The following MME variants were observed in gnomAD, a reference collection of about 807,000 sequenced individuals.
MME encodes the protein membrane metalloendopeptidase.
In MME, 98 loss-of-function variants were observed where a neutral mutation model predicts 113.2. The observed-to-expected ratio is 0.87, with a 90% CI of 0.74 to 1.02. MME has a LOEUF of 1.02. Ranked by LOEUF, MME falls within the 50% of genes least tolerant of loss-of-function variation. The probability of loss-of-function intolerance (pLI) is 0.00; values close to 1 mark genes in which losing one functional copy is unlikely to be tolerated. For missense variants in MME, 836 were observed against 896.0 expected, an observed-to-expected ratio of 0.93 and a Z score of 0.86; for synonymous variants, 292 against 300.6, an observed-to-expected ratio of 0.97 and a Z score of 0.30.
intron 3 of MME, among the ~76,000 whole-genome samples, chr3:155,100,551 A>G (rs1717120510): frequency 6.6e-6 from 1 of 152,220 alleles, no homozygotes; most frequent in Non-Finnish European, 1.5e-5. Flanking sequence ...TACAAATAGT[A>G]TTGTGATGCA....
At chr3:155,072,759 T>G (rs1469166196) in intron 1 of MME, among the ~76,000 whole-genome samples, 2 of 152,348 alleles carry the variant, frequency 1.3e-5, no homozygotes, top group East Asian at 3.9e-4. Context: ...CTGCAGGTTT[T>G]TTCTGAGACT....
At chr3:155,175,258 T>A (rs1470078489) in intron 22 of MME, among the ~76,000 whole-genome samples, 1 of 151,928 alleles carries the variant, frequency 6.6e-6, no homozygotes, top group Admixed American at 6.6e-5. Context: ...TTTGGGTTTT[T>A]ATTAGGGTTT....
chr3:155,115,115 C>G lies in MME; in HGVS notation c.318C>G (p.Asn106Lys). 1.2e-6 allele frequency: 2 copies of G among 1,614,060 alleles called. No homozygotes were observed. The highest frequency in any genetic ancestry group is 1.7e-6 in the Non-Finnish European group (2 of 1,179,994). The change falls in exon 4 of 23, where the codon AAC (asparagine) becomes AAG (lysine). Residue 106 changes from asparagine to lysine, a missense_variant. Physicochemically the swap from Asn to Lys is moderately conservative, Grantham distance 94. Coordinates refer to ENST00000360490, the MANE Select transcript of MME (RefSeq NM_007289.4). Reference protein sequence around the residue: ...VIPETSSRYGNFDILRDELEV... With the variant: ...VIPETSSRYGKFDILRDELEV... ...CCGAGACCAGCTCCCGTTACGGCAA[C>G]TTTGACATTTTAAGAGATGAACTAG...
chr3:155,071,371 C>T (rs1187788027), intron 1 of MME, among the ~76,000 whole-genome samples: 1 of 152,124 alleles, frequency 6.6e-6, no homozygotes, highest in East Asian at 1.9e-4. Flanking sequence ...GGGAATAGGC[C>T]CAATTCTATG....
At position 155,081,853 on chromosome 3, in the gene MME, A is replaced by G. The variant is rs180864707; in HGVS notation, c.-11+1387A>G. ...CTTGCATCATTTCTGCTTTTGCTCA[A>G]TGCTTTTGAAAAAAGGCTACTAAGA... is the stretch of plus-strand genomic sequence containing the variant. On this transcript the variant is annotated intron_variant, in intron 1 of 22. Coordinates refer to ENST00000360490, the MANE Select transcript of MME (RefSeq NM_007289.4). 351 of 152,308 alleles carry G rather than the reference A, an allele frequency of 2.3e-3. 2 individuals carry two copies. Among genetic ancestry groups the G allele is most frequent in the African/African-American group, 7.8e-3 (324 of 41,568 alleles). 9.4% of individuals were successfully genotyped at this position (152,308 alleles called of 1,614,324 possible).
intron 7 of MME, 41 bp downstream of exon 7, chr3:155,117,027 G>A (rs1247607751): frequency 5.5e-6 from 6 of 1,083,548 alleles, no homozygotes; most frequent in Non-Finnish European, 8.6e-6. Flanking sequence ...CCTTTAAATT[G>A]TAATAAAACT....
intron 1 of MME, among the ~76,000 whole-genome samples, chr3:155,036,761 A>G (rs1157806288): frequency 2.0e-5 from 3 of 151,992 alleles, no homozygotes; most frequent in Non-Finnish European, 4.4e-5. Flanking sequence ...TTAAAGTTTG[A>G]TTAATCAAAT....
chr3:155,129,474 AT>A (rs569413625), intron 8 of MME, among the ~76,000 whole-genome samples: 65 of 148,696 alleles, frequency 4.4e-4, no homozygotes, highest in African/African-American at 5.2e-4. Flanking sequence ...TATAGAAGTC[AT>A]TTTTTTTTTG....
chr3:155,138,726 A>AC (rs1214441651), intron 9 of MME, among the ~76,000 whole-genome samples: 1 of 152,146 alleles, frequency 6.6e-6, no homozygotes, highest in Non-Finnish European at 1.5e-5. Flanking sequence ...TGCTGAGCTG[A>AC]CGGAGGGTAA....
At position 155,180,511 on chromosome 3, in the gene MME, A is replaced by G; in HGVS notation, c.*52A>G. ...GGCTAGACTTGCCAACACCACAGAA[A>G]TGGGGAATTCTCTAATCGAAAGAAA... On this transcript the variant is annotated 3_prime_UTR_variant, in exon 23 of 23. Transcript: ENST00000360490. 7.2e-7 allele frequency: 1 copy of G among 1,393,918 alleles called. No individual in the cohort carries two copies. Among genetic ancestry groups the G allele is most frequent in the Non-Finnish European group, 1.0e-6 (1 of 979,956 alleles). The allele number at this position is 1,393,918 out of a possible 1,614,324, so 86.3% of individuals were successfully genotyped here. A position where few individuals can be genotyped will look rare whatever the true frequency, so the allele number is the denominator to read the frequency against.
chr3:155,038,355 C>G (rs979803688), intron 1 of MME, among the ~76,000 whole-genome samples: 4 of 152,160 alleles, frequency 2.6e-5, no homozygotes, highest in Admixed American at 2.0e-4. Flanking sequence ...TTAAGCTACT[C>G]TCTGAAGCCT....
intron 3 of MME, 26 bp from the exon 4 acceptor site, chr3:155,114,968 A>T: frequency 6.2e-7 from 1 of 1,612,570 alleles, no homozygotes. Flanking sequence ...CCATCATTTT[A>T]TCTAGTGTTT....
chr3:155,098,972 G>A (rs1363618588), intron 3 of MME, among the ~76,000 whole-genome samples: 2 of 152,096 alleles, frequency 1.3e-5, no homozygotes, highest in African/African-American at 4.8e-5. Flanking sequence ...AGAAGACAGA[G>A]ATAAAGTAGG....
chr3:155,124,647 C>G (rs1440657399), intron 8 of MME, among the ~76,000 whole-genome samples: 2 of 151,614 alleles, frequency 1.3e-5, no homozygotes, highest in Non-Finnish European at 2.9e-5. Context: ...AGACAGGACC[C>G]TCAGCTGCAG....
At chr3:155,088,209 C>CGT (rs1715934890) in intron 3 of MME, among the ~76,000 whole-genome samples, 1 of 141,320 alleles carries the variant, frequency 7.1e-6, no homozygotes, top group Non-Finnish European at 1.6e-5. Flanking sequence ...CACACTCGTG[C>CGT]GCGCACACAC....
rs772658408 is a variant in MME, at chr3:155,045,038, C to A, written c.-11+20714C>A. Among the ~76,000 whole-genome samples the A allele has an allele frequency of 1.1e-4, 16 of 151,082 alleles. 2 individuals carry two copies. The highest frequency in any genetic ancestry group is 1.1e-3 in the Admixed American group (16 of 15,190). The stretch of plus-strand genomic sequence containing the variant: ...CTCTGTTCACTGAGATACTTTAAAT[C>A]GGGTTGGAATTATCCATGAATTATC... On this transcript the variant is annotated intron_variant, in intron 1 of 22. Coordinates refer to the MME transcript ENST00000492661.
In MME at chr3:155,117,907, C is replaced by T. The variant is rs958309420; in HGVS notation, c.655-839C>T. ...CTTTTCTATTGGCCTAGGCTCTCCA[C>T]AGCTGCTAGGATTCTCTCTTTAACC... On this transcript the variant is annotated intron_variant, in intron 7 of 22. Transcript: ENST00000360490. 2.0e-5 allele frequency among the ~76,000 whole-genome samples: 3 copies of T among 152,148 alleles called. No homozygotes were observed. The South Asian group carries it at 6.2e-4, about 31-fold the overall frequency.
chr3:155,105,010 A>T (rs550411410), intron 3 of MME, among the ~76,000 whole-genome samples: 1 of 152,262 alleles, frequency 6.6e-6, no homozygotes, highest in Admixed American at 6.5e-5. Context: ...ACTTTTTATT[A>T]TTATTATTAT....
rs142525590 is a variant in MME at position 155,110,489 on chromosome 3, A to G, written c.197-4505A>G. 1.7e-4 allele frequency among the ~76,000 whole-genome samples: 26 copies of G among 152,350 alleles called. 3 individuals are homozygous for G. The highest frequency in any genetic ancestry group is 6.3e-4 in the African/African-American group (26 of 41,590). On this transcript the variant is annotated intron_variant, in intron 3 of 22. Transcript: ENST00000360490. ...AATACAGTAATTAATAACTTCCCAG[A>G]TGGTAGTTGAACTTGCTTTTAAATT...
Sources: allele counts gnomAD v4.1 joint callset (sites outside exome capture counted in the v4.1 genomes callset), GRCh38; gene constraint gnomAD v4.1.1; transcripts MANE v1.5; gene names NCBI Gene and HGNC (gene_info 2026-07-23, HGNC 2026-07-21).